The following DAB1 variants were observed in gnomAD, a reference collection of about 807,000 sequenced individuals.
DAB1 encodes the protein DAB adaptor protein 1, also known as disabled homolog 1.
In DAB1, 15 loss-of-function variants were observed where a neutral mutation model predicts 64.6. The ratio of observed to expected loss-of-function variants is 0.23; its 90% CI spans 0.16 to 0.36. The LOEUF (loss-of-function observed/expected upper bound fraction) is 0.36, where lower values mean the gene tolerates loss of function less well. DAB1 is among the 10% of genes least tolerant of loss of function. The pLI is 1.00. For missense variants in DAB1, 596 were observed against 706.7 expected (o/e 0.84, Z 1.78); for synonymous variants, 235 against 251.9 (o/e 0.93, Z 0.64).
chr1:57,178,234 C>G lies in DAB1; in HGVS notation c.68-32805G>C, dbSNP rs112040345. ...GATACCCTACTTAAAGCTAAATATA[C>G]ATACTTCCTCTGACCCAGCAATTCC... is the stretch of plus-strand genomic sequence containing the variant. On this transcript the variant is annotated intron_variant, in intron 2 of 14. Coordinates refer to ENST00000371236, the MANE Select transcript of DAB1 (RefSeq NM_001365792.1). Among the ~76,000 whole-genome samples the G allele has an allele frequency of 9.8e-3, 1,479 of 151,524 alleles. 24 individuals carry two copies. Among genetic ancestry groups the G allele is most frequent in the African/African-American group, 0.034 (1,395 of 41,258 alleles).
At chr1:57,732,686 G>C (rs546423898) in intron 6 of DAB1, among the ~76,000 whole-genome samples, 1 of 152,168 alleles carries the variant, frequency 6.6e-6, no homozygotes, top group African/African-American at 2.4e-5. Flanking sequence ...TAGTGAGGAA[G>C]ACTTGTGAGA....
At chr1:57,606,852 C>T (rs908128962) in intron 7 of DAB1, among the ~76,000 whole-genome samples, 9 of 148,400 alleles carry the variant, frequency 6.1e-5, no homozygotes, top group East Asian at 2.0e-4. Flanking sequence ...TGCAATGGTA[C>T]GATCTCGGCT....
intron 1 of DAB1, among the ~76,000 whole-genome samples, chr1:57,842,030 C>A (rs1653075604): frequency 6.6e-6 from 1 of 152,146 alleles, no homozygotes; most frequent in Non-Finnish European, 1.5e-5. Context: ...TGGACCAATT[C>A]TTTGTGAACA....
intron 5 of DAB1, among the ~76,000 whole-genome samples, chr1:57,934,063 T>TTGTGTGTG (rs55848780): frequency 0.12 from 15,209 of 127,878 alleles, 1,078 homozygotes; most frequent in Non-Finnish European, 0.14. Context: ...GCCCAGCTAA[T>TTGTGTGTG]TGTGTGTGTG....
intron 6 of DAB1, among the ~76,000 whole-genome samples, chr1:57,710,256 G>A (rs1647012303): frequency 6.6e-6 from 1 of 152,080 alleles, no homozygotes; most frequent in African/African-American, 2.4e-5. Context: ...GGTTGAAGGT[G>A]TATACCTCCA....
chr1:58,474,188 A>C (rs1333131928), intron 3 of DAB1, among the ~76,000 whole-genome samples: 3 of 152,104 alleles, frequency 2.0e-5, no homozygotes, highest in African/African-American at 7.2e-5. Flanking sequence ...GCACAATGGG[A>C]TAGGTGCAGT....
intron 3 of DAB1, among the ~76,000 whole-genome samples, chr1:58,417,722 G>A (rs1452988213): frequency 3.3e-5 from 5 of 152,190 alleles, no homozygotes. Context: ...GGGAAGGCAA[G>A]AGCCACAGAT....
chr1:58,215,098 T>C (rs182726555), intron 4 of DAB1, among the ~76,000 whole-genome samples: 1 of 152,314 alleles, frequency 6.6e-6, no homozygotes, highest in East Asian at 1.9e-4. Flanking sequence ...AAAAACTGCA[T>C]GTTTTGTAAG....
At chr1:57,394,280 A>C (rs1349971675) in intron 1 of DAB1, among the ~76,000 whole-genome samples, 4 of 152,260 alleles carry the variant, frequency 2.6e-5, no homozygotes, top group African/African-American at 9.6e-5. Flanking sequence ...TTGCAAAGAC[A>C]AACTGCTGAA....
At chr1:57,262,790 C>A (rs1670281943) in intron 2 of DAB1, among the ~76,000 whole-genome samples, 1 of 152,194 alleles carries the variant, frequency 6.6e-6, no homozygotes, top group Non-Finnish European at 1.5e-5. Context: ...CTGCTCCCAG[C>A]CAGATTCTGA....
At chr1:57,856,251 G>T (rs1653749852) in intron 1 of DAB1, among the ~76,000 whole-genome samples, 1 of 152,120 alleles carries the variant, frequency 6.6e-6, no homozygotes, top group Non-Finnish European at 1.5e-5. Context: ...TATAGATTAA[G>T]AAAAGTAGCC....
chr1:57,843,266 G>GACTGTGTGC (rs1653133554), intron 1 of DAB1, among the ~76,000 whole-genome samples: 1 of 152,108 alleles, frequency 6.6e-6, no homozygotes, highest in Non-Finnish European at 1.5e-5. Context: ...GTCTACCCTT[G>GACTGTGTGC]ACTGTGTGCA....
chr1:57,525,090 TC>T (rs1253118163), intron 7 of DAB1, among the ~76,000 whole-genome samples: 1 of 152,112 alleles, frequency 6.6e-6, no homozygotes, highest in African/African-American at 2.4e-5. Flanking sequence ...CATTCAAGGA[TC>T]AAAAATTGTA....
At chr1:57,131,062 C>T (rs1657613113) in intron 4 of DAB1, among the ~76,000 whole-genome samples, 1 of 152,120 alleles carries the variant, frequency 6.6e-6, no homozygotes, top group Non-Finnish European at 1.5e-5. Context: ...TCTGCATTAC[C>T]AACCCCTCTG....
intron 6 of DAB1, among the ~76,000 whole-genome samples, chr1:57,775,756 AT>A (rs1301667711): frequency 1.3e-5 from 2 of 151,458 alleles, no homozygotes; most frequent in Admixed American, 6.6e-5. Flanking sequence ...TATTCTACTG[AT>A]TTTTTTATCT....
intron 5 of DAB1, among the ~76,000 whole-genome samples, chr1:57,984,206 A>C (rs1335922278): frequency 1.4e-5 from 2 of 141,900 alleles, no homozygotes; most frequent in African/African-American, 2.6e-5. Context: ...GAAAGAAAGA[A>C]AGAAAGAAAG....
At chr1:57,722,944 A>T (rs147144665) in intron 6 of DAB1, among the ~76,000 whole-genome samples, 1 of 152,174 alleles carries the variant, frequency 6.6e-6, no homozygotes, top group East Asian at 1.9e-4. Flanking sequence ...ATCCAAGACA[A>T]CCTTGTCAGA....
At chr1:57,134,435 A>G (rs1162096537) in intron 4 of DAB1, among the ~76,000 whole-genome samples, 1 of 151,678 alleles carries the variant, frequency 6.6e-6, no homozygotes, top group Admixed American at 6.6e-5. Context: ...AAATACAAAA[A>G]AATTTAGCTG....
intron 8 of DAB1, among the ~76,000 whole-genome samples, chr1:57,064,850 C>T (rs1381271256): frequency 2.0e-5 from 3 of 152,142 alleles, no homozygotes; most frequent in Admixed American, 6.5e-5. Flanking sequence ...TGAAGAATGT[C>T]GTTTCTTTGC....
Sources: allele counts gnomAD v4.1 joint callset (sites outside exome capture counted in the v4.1 genomes callset), GRCh38; gene constraint gnomAD v4.1.1; transcripts MANE v1.5; gene names NCBI Gene and HGNC (gene_info 2026-07-23, HGNC 2026-07-21).